Variants in ST6GAL1 observed in about 807,000 individuals in gnomAD.
ST6GAL1 encodes the protein ST6 beta-galactoside alpha-2,6-sialyltransferase 1.
In ST6GAL1, 20 loss-of-function variants were observed where a neutral mutation model predicts 38.0. The ratio of observed to expected loss-of-function variants is 0.53; its 90% confidence interval spans 0.37 to 0.77. The LOEUF (loss-of-function observed/expected upper bound fraction) is 0.77. ST6GAL1 is among the 30% of genes least tolerant of loss of function. The pLI is 0.00. For missense variants in ST6GAL1, 432 were observed against 496.4 expected (o/e 0.87, Z 1.23); for synonymous variants, 196 against 188.2 (o/e 1.04, Z -0.34).
chr3:186,978,422 C>G (rs1715587577), intron 2 of ST6GAL1, among the ~76,000 whole-genome samples: 1 of 152,162 alleles, frequency 6.6e-6, no homozygotes, highest in African/African-American at 2.4e-5. Context: ...TCCCACTCCT[C>G]TCTCTCCACG....
chr3:186,967,233 C>T (rs1306652768), intron 2 of ST6GAL1, among the ~76,000 whole-genome samples: 1 of 152,180 alleles, frequency 6.6e-6, no homozygotes, highest in Admixed American at 6.5e-5. Context: ...GCTCTGTTGC[C>T]CAGGCTGGAG....
At chr3:187,057,502 T>C (rs890039182) in intron 5 of ST6GAL1, among the ~76,000 whole-genome samples, 3 of 152,212 alleles carry the variant, frequency 2.0e-5, no homozygotes, top group Admixed American at 6.5e-5. Flanking sequence ...GTGATGTTGA[T>C]GCTATTCCTT....
intron 1 of ST6GAL1, among the ~76,000 whole-genome samples, chr3:186,931,927 A>G (rs1713770963): frequency 6.6e-6 from 1 of 152,172 alleles, no homozygotes; most frequent in Non-Finnish European, 1.5e-5. Flanking sequence ...CTTTGCTTAC[A>G]TATGCTCAGC....
chr3:187,031,087 CAG>C lies in ST6GAL1; in HGVS notation c.-182-7653_-182-7652del, dbSNP rs1717731781. On this transcript the variant is annotated intron_variant, in intron 2 of 7. Coordinates refer to ENST00000169298, the MANE Select transcript of ST6GAL1 (RefSeq NM_173216.2). ...AATCTGGTTGGGACAGATCTGCAAACAGATAAATGTCACATAGTTTGATGAGG... is the reference window on the plus strand; with the variant it reads ...AATCTGGTTGGGACAGATCTGCAAACATAAATGTCACATAGTTTGATGAGG... Among the ~76,000 whole-genome samples, 4 of 152,128 alleles carry C rather than the reference CAG, an allele frequency of 2.6e-5. No homozygotes were observed. The South Asian group carries it at 8.3e-4, about 32-fold the overall frequency.
intron 2 of ST6GAL1, among the ~76,000 whole-genome samples, chr3:187,017,750 G>T (rs1053246709): frequency 6.6e-6 from 1 of 152,200 alleles, no homozygotes; most frequent in African/African-American, 2.4e-5. Flanking sequence ...CTCCTGCCCA[G>T]ATTGATAACA....
At chr3:187,037,719 C>T (rs957524602) in intron 2 of ST6GAL1, among the ~76,000 whole-genome samples, 1 of 152,248 alleles carries the variant, frequency 6.6e-6, no homozygotes, top group Middle Eastern at 3.4e-3. Context: ...ACTGGGACTA[C>T]AGGCATGCAC....
chr3:186,976,237 G>C (rs376822369), intron 2 of ST6GAL1, among the ~76,000 whole-genome samples: 1 of 152,024 alleles, frequency 6.6e-6, no homozygotes. Context: ...GTTGGTTTAC[G>C]CTCTCCTTTT....
chr3:186,993,224 G>A (rs747500018), intron 2 of ST6GAL1, among the ~76,000 whole-genome samples: 1 of 152,234 alleles, frequency 6.6e-6, no homozygotes, highest in Admixed American at 6.5e-5. Context: ...CACACTGCTG[G>A]TGGGCCCTGT....
intron 2 of ST6GAL1, among the ~76,000 whole-genome samples, chr3:187,024,282 AC>A (rs1579331582): frequency 1.3e-5 from 2 of 151,418 alleles, no homozygotes; most frequent in South Asian, 2.1e-4. Flanking sequence ...TTTAGTAGAG[AC>A]GGGGGTTTCA....
intron 5 of ST6GAL1, among the ~76,000 whole-genome samples, chr3:187,069,687 C>G (rs1371595795): frequency 6.6e-6 from 1 of 152,188 alleles, no homozygotes; most frequent in Non-Finnish European, 1.5e-5. Context: ...CTTTCCTGGT[C>G]CCCATAACCT....
intron 2 of ST6GAL1, among the ~76,000 whole-genome samples, chr3:186,988,400 G>C (rs1716029547): frequency 6.6e-6 from 1 of 152,036 alleles, no homozygotes; most frequent in African/African-American, 2.4e-5. Context: ...GAAGCTGAGA[G>C]GGGTAGAAGC....
chr3:186,933,781 A>G (rs1365642675), intron 1 of ST6GAL1, among the ~76,000 whole-genome samples: 1 of 152,234 alleles, frequency 6.6e-6, no homozygotes. Context: ...AGTTGTTGGT[A>G]CTCCAGAGAA....
intron 3 of ST6GAL1, among the ~76,000 whole-genome samples, chr3:187,041,239 G>A (rs997684444): frequency 4.6e-5 from 7 of 152,160 alleles, no homozygotes; most frequent in Admixed American, 4.6e-4. Context: ...ACCTGCCCAA[G>A]GTCACCAAGA....
chr3:186,930,826 G>T lies in ST6GAL1; in HGVS notation c.-333G>T, dbSNP rs1713714067. 1 of 152,660 alleles carries T rather than the reference G, an allele frequency of 6.6e-6. No homozygotes were observed. The highest frequency in any genetic ancestry group is 2.4e-5 in the African/African-American group (1 of 41,462). 9.5% of individuals were successfully genotyped at this position (152,660 alleles called of 1,614,324 possible). A position where few individuals can be genotyped will look rare whatever the true frequency, so the allele number is the denominator to read the frequency against. On this transcript the variant is annotated 5_prime_UTR_variant, in exon 1 of 8. Transcript: ENST00000169298. ...GCAACCGCAGCCTCCGCGGCCGAGA[G>T]TGCAGCGAGTGAGTAGGGGGTGCGG...
rs115094299 is a variant in ST6GAL1 at position 186,968,705 on chromosome 3, T to C, written c.-183+4779T>C. On this transcript the variant is annotated intron_variant, in intron 2 of 7. Coordinates refer to ENST00000169298, the MANE Select transcript of ST6GAL1 (RefSeq NM_173216.2). ...ATGTTGTGTGTATCAGTAGTCCTAGTTGTGGATATACCACAATTTATTTAT... is the reference window on the plus strand; with the variant it reads ...ATGTTGTGTGTATCAGTAGTCCTAGCTGTGGATATACCACAATTTATTTAT... Among the ~76,000 whole-genome samples, 1,070 of 152,364 alleles carry C rather than the reference T, an allele frequency of 7.0e-3. 13 individuals carry two copies. Among genetic ancestry groups the C allele is most frequent in the African/African-American group, 0.023 (939 of 41,576 alleles).
chr3:187,003,921 G>C (rs145977143), intron 2 of ST6GAL1, among the ~76,000 whole-genome samples: 1 of 152,302 alleles, frequency 6.6e-6, no homozygotes, highest in Non-Finnish European at 1.5e-5. Context: ...ACAAGGAAAT[G>C]TGGCCTCAGG....
intron 1 of ST6GAL1, among the ~76,000 whole-genome samples, chr3:186,936,816 CCT>C (rs1713970367): frequency 6.6e-6 from 1 of 151,706 alleles, no homozygotes; most frequent in Non-Finnish European, 1.5e-5. Flanking sequence ...TGGGCAGGTG[CCT>C]GTAATCTTAG....
chr3:187,029,971 C>G (rs1292061639), intron 2 of ST6GAL1, among the ~76,000 whole-genome samples: 3 of 151,968 alleles, frequency 2.0e-5, no homozygotes, highest in African/African-American at 7.3e-5. Context: ...AGATGGGATG[C>G]CTGAACTCAA....
intron 1 of ST6GAL1, among the ~76,000 whole-genome samples, chr3:186,935,277 C>CAGAAA (rs1213811823): frequency 2.0e-5 from 3 of 152,138 alleles, no homozygotes; most frequent in Admixed American, 2.0e-4. Flanking sequence ...TCTGCTCCTG[C>CAGAAA]ATTAGTTTGC....
Sources: allele counts gnomAD v4.1 joint callset (sites outside exome capture counted in the v4.1 genomes callset), GRCh38; gene constraint gnomAD v4.1.1; transcripts MANE v1.5; gene names NCBI Gene and HGNC (gene_info 2026-07-23, HGNC 2026-07-21).